Variants in C12orf57 observed in about 807,000 individuals in gnomAD.
C12orf57 encodes the protein chromosome 12 open reading frame 57.
A neutral mutation model predicts 11.3 loss-of-function variants in C12orf57; 14 were observed. That is an observed-to-expected ratio of 1.24 (90% CI 0.82 to 1.94). The LOEUF (loss-of-function observed/expected upper bound fraction) is 1.94, where lower values mean the gene tolerates loss of function less well. Among genes scored for constraint, C12orf57 ranks in the 30% most tolerant of loss-of-function variants. The pLI is 0.00. For missense variants in C12orf57, 229 were observed against 172.4 expected (o/e 1.33, Z -1.84); for synonymous variants, 100 against 74.6 (o/e 1.34, Z -1.76).
At chr12:6,944,753 C>T (rs1555146162) in intron 2 of C12orf57, 101 bp downstream of exon 2, 5 of 1,564,064 alleles carry the variant, frequency 3.2e-6, no homozygotes, top group Non-Finnish European at 4.3e-6. Context: ...TCCCCTTTCT[C>T]GCCACACGGC....
At chr12:6,945,241 T>G (rs1945772476) in intron 2 of C12orf57, 1 of 196,226 alleles carries the variant, frequency 5.1e-6, no homozygotes, top group African/African-American at 2.3e-5. Context: ...GGAAGCAAAC[T>G]CTAATGGTGC....
upstream of C12orf57, chr12:6,943,545 T>G (rs1275293004): frequency 2.3e-6 from 3 of 1,288,718 alleles, no homozygotes; most frequent in Non-Finnish European, 3.0e-6. Context: ...AATCCAGGTC[T>G]CCGGGCTTAA....
rs1591677492 is a variant in C12orf57, at chr12:6,945,865, G to A, written c.324G>A (p.Pro108=). 2.5e-6 allele frequency: 4 copies of A among 1,613,598 alleles called. No individual in the cohort carries two copies. The highest frequency in any genetic ancestry group is 2.2e-5 in the East Asian group (1 of 44,860). Residue 108 remains proline (P), a synonymous_variant, in exon 3 of 3, where the codon CCG becomes CCA. Coordinates refer to ENST00000229281, the MANE Select transcript of C12orf57 (RefSeq NM_138425.4). The part of the protein sequence containing the change: ...LSGKLKALFL[P]PMTLPPHGPA... ...GCAAGCTGAAGGCGCTGTTTCTGCC[G>A]CCCATGACCCTGCCACCCCATGGGC...
chr12:6,945,893 G>T lies in C12orf57; in HGVS notation c.352G>T (p.Ala118Ser). 6.2e-7 allele frequency: 1 copy of T among 1,613,118 alleles called. No homozygotes were observed. Among genetic ancestry groups the T allele is most frequent in the South Asian group, 1.1e-5 (1 of 90,968 alleles). ...PPMTLPPHGP[A>S]AGGSVAAS ...CATGACCCTGCCACCCCATGGGCCTGCTGCTGGTGGCAGCGTGGCCGCCTC... is the reference window on the plus strand; with the variant it reads ...CATGACCCTGCCACCCCATGGGCCTTCTGCTGGTGGCAGCGTGGCCGCCTC... Residue 118 changes from alanine to serine, a missense_variant, in exon 3 of 3, where the codon GCT becomes TCT. Transcript: ENST00000229281.
chr12:6,944,405 C>T (rs1465647868), intron 1 of C12orf57, 71 bp from the exon 2 acceptor site: 2 of 1,569,510 alleles, frequency 1.3e-6, no homozygotes, highest in African/African-American at 2.7e-5. Flanking sequence ...TCCTTGCGCT[C>T]TCCGCTGGGC....
upstream of C12orf57, chr12:6,943,453 G>A (rs1211025071): frequency 4.2e-6 from 5 of 1,191,498 alleles, no homozygotes; most frequent in Non-Finnish European, 5.4e-6. Flanking sequence ...AATCGGGCCG[G>A]GCATTAGGCT....
At chr12:6,944,009 C>G (rs782255944), upstream of C12orf57, 45 of 1,601,158 alleles carry the variant, frequency 2.8e-5, no homozygotes, top group African/African-American at 5.4e-5. Context: ...TCCGGCTGCG[C>G]CGGATGCTGT....
Position 6,945,890 on chromosome 12 carries a change from C to T in C12orf57, c.349C>T (p.Pro117Ser), listed in dbSNP as rs149032026. 1.2e-6 allele frequency: 2 copies of T among 1,613,252 alleles called. No individual in the cohort carries two copies. Among genetic ancestry groups the T allele is most frequent in the African/African-American group, 2.7e-5 (2 of 74,916 alleles). The change falls in exon 3 of 3, where the codon CCT becomes TCT. Residue 117 changes from proline to serine, a missense_variant. Physicochemically the swap from Pro to Ser is moderately conservative, Grantham distance 74 (BLOSUM62 -1). Transcript: ENST00000229281. ...LPPMTLPPHG[P>S]AAGGSVAAS ...GCCCATGACCCTGCCACCCCATGGG[C>T]CTGCTGCTGGTGGCAGCGTGGCCGC...
chr12:6,944,578 A>C lies in C12orf57; in HGVS notation c.155A>C (p.Gln52Pro). The C allele has an allele frequency of 6.2e-7, 1 of 1,614,136 alleles. No homozygotes were observed. Among genetic ancestry groups the C allele is most frequent in the Non-Finnish European group, 8.5e-7 (1 of 1,180,044 alleles). ...TGCAACGACATGGGTAAGATGCTGCAATTCGTGCTGCCCGTGGCCACGCAG... is the reference window on the plus strand; with the variant it reads ...TGCAACGACATGGGTAAGATGCTGCCATTCGTGCTGCCCGTGGCCACGCAG... ...NACNDMGKML[Q>P]FVLPVATQIQ... The change falls in exon 2 of 3, where the codon CAA (glutamine) becomes CCA (proline). Residue 52 changes from glutamine to proline, a missense_variant. Coordinates refer to ENST00000229281, the MANE Select transcript of C12orf57 (RefSeq NM_138425.4).
upstream of C12orf57, chr12:6,943,793 C>G (rs1341309613): frequency 1.5e-5 from 14 of 935,080 alleles, no homozygotes; most frequent in South Asian, 8.5e-5. Context: ...TATATCCCAT[C>G]TTCTCTCCAA....
rs368683747 is a variant in C12orf57, at chr12:6,945,794, G to A, written c.253G>A (p.Val85Ile). The A allele has an allele frequency of 2.5e-5, 41 of 1,613,666 alleles. No homozygotes were observed. In the South Asian group the frequency reaches 3.5e-4, roughly 14 times the overall value. Residue 85 changes from valine to isoleucine, a missense_variant, in exon 3 of 3, where the codon GTC becomes ATC. Transcript: ENST00000229281. The part of the protein sequence containing the change: ...GEGVLKFARL[V>I]KSYEAQDPEI... ...AGGTGTCCTTAAGTTTGCTCGCTTG[G>A]TCAAGTCCTACGAAGCCCAGGATCC...
chr12:6,944,311 C>T (rs1555145904), intron 1 of C12orf57, 138 bp downstream of exon 1: 8 of 1,577,620 alleles, frequency 5.1e-6, no homozygotes, highest in South Asian at 1.1e-5. Flanking sequence ...GGGTAGGGGA[C>T]GCCGGGTACC....
chr12:6,943,844 T>A (rs185860337), upstream of C12orf57: 40 of 891,430 alleles, frequency 4.5e-5, no homozygotes, highest in Admixed American at 2.2e-4. Flanking sequence ...AGAATTTGTC[T>A]AGTAGGCTTT....
At chr12:6,943,856 T>C (rs782444004), upstream of C12orf57, 306 of 932,388 alleles carry the variant, frequency 3.3e-4, 4 homozygotes, top group South Asian at 3.1e-3. Context: ...GTAGGCTTTC[T>C]GGCTTTTTAC....
Position 6,944,654 on chromosome 12 carries a change from TGGGTCAGACGCGGGAAGGC to T in C12orf57, c.229+25_229+43del, listed in dbSNP as rs199730337. On this transcript the variant is annotated splice_donor_5th_base_variant and intron_variant, in intron 2 of 2. Coordinates refer to ENST00000229281, the MANE Select transcript of C12orf57 (RefSeq NM_138425.4). ...ATGGCTTCAGCTGCGACGGGGAAGG[TGGGTCAGACGCGGGAAGGC>T]GGGTCAGACGCGGGAAGGCGGGAGT... is the stretch of plus-strand genomic sequence containing the variant. 23,150 of 1,610,452 alleles carry T rather than the reference TGGGTCAGACGCGGGAAGGC, an allele frequency of 0.014. 1,090 individuals are homozygous for T. The highest frequency in any genetic ancestry group is 0.12 in the African/African-American group (9,084 of 74,838).
upstream of C12orf57, chr12:6,943,836 A>AT: frequency 5.7e-6 from 5 of 876,686 alleles, no homozygotes; most frequent in East Asian, 3.5e-5. Flanking sequence ...GCTCTTTTAG[A>AT]ATTTGTCTAG....
chr12:6,943,826 G>A (rs1003056522), upstream of C12orf57: 28 of 862,556 alleles, frequency 3.2e-5, no homozygotes, highest in Admixed American at 6.6e-5. Context: ...CAGTGTTACA[G>A]CTCTTTTAGA....
In C12orf57 at chr12:6,945,882, C is replaced by A. The variant is rs2138242866; in HGVS notation, c.341C>A (p.Pro114His). Residue 114 changes from proline to histidine, a missense_variant, in exon 3 of 3, where the codon CCC (proline) becomes CAC (histidine). Transcript: ENST00000229281. Reference sequence around the variant, plus strand: ...TTTCTGCCGCCCATGACCCTGCCACCCCATGGGCCTGCTGCTGGTGGCAGC... The same window carrying A: ...TTTCTGCCGCCCATGACCCTGCCACACCATGGGCCTGCTGCTGGTGGCAGC... ...ALFLPPMTLP[P>H]HGPAAGGSVA... 4 of 1,613,578 alleles carry A rather than the reference C, an allele frequency of 2.5e-6. No homozygotes were observed. Among genetic ancestry groups the A allele is most frequent in the Non-Finnish European group, 2.5e-6 (3 of 1,179,888 alleles).
chr12:6,944,007 C>CA, upstream of C12orf57: 1 of 1,597,510 alleles, frequency 6.3e-7, no homozygotes, highest in East Asian at 2.2e-5. Context: ...CTTCCGGCTG[C>CA]GCCGGATGCT....
Sources: gnomAD v4.1 joint callset for allele counts on GRCh38, gnomAD v4.1.1 for gene constraint, MANE v1.5 for transcripts, NCBI Gene and HGNC (gene_info 2026-07-23, HGNC 2026-07-21) for gene names.